Variants in NDEL1 observed in about 807,000 individuals in gnomAD.
NDEL1 encodes nudE neurodevelopment protein 1 like 1.
In NDEL1, 9 loss-of-function variants were observed where a neutral mutation model predicts 45.7. The ratio of observed to expected loss-of-function variants is 0.20; its 90% CI spans 0.12 to 0.34. The LOEUF is 0.34. NDEL1 is among the 10% of genes least tolerant of loss of function. NDEL1 has a pLI of 1.00. For missense variants in NDEL1, 306 were observed against 406.2 expected, an observed-to-expected ratio of 0.75 and a Z score of 2.12; for synonymous variants, 133 against 158.6, an observed-to-expected ratio of 0.84 and a Z score of 1.21.
intron 6 of NDEL1, among the ~76,000 whole-genome samples, chr17:8,453,574 C>T (rs935387111): frequency 3.9e-5 from 6 of 152,030 alleles, no homozygotes; most frequent in Non-Finnish European, 8.8e-5. Context: ...GAAATGTGCA[C>T]GACTGAAAAC....
intron 8 of NDEL1, chr17:8,463,328 A>G: frequency 1.2e-6 from 2 of 1,612,822 alleles, no homozygotes; most frequent in Non-Finnish European, 1.7e-6. Flanking sequence ...AGGCAAGAAA[A>G]AGTCATATTT....
At chr17:8,436,254 C>T (rs941419426) in intron 1 of NDEL1, 31 of 184,570 alleles carry the variant, frequency 1.7e-4, no homozygotes, top group Non-Finnish European at 1.9e-4. Flanking sequence ...TGTGGCCCCC[C>T]AGGGGCGCCT....
At chr17:8,414,022 AT>A (rs910218989) in intron 1 of NDEL1, among the ~76,000 whole-genome samples, 5 of 152,288 alleles carry the variant, frequency 3.3e-5, no homozygotes, top group Middle Eastern at 3.4e-3. Context: ...TTAAATGAAT[AT>A]TTTTATGTCA....
downstream of NDEL1, among the ~76,000 whole-genome samples, chr17:8,472,041 G>A (rs900988938): frequency 6.6e-6 from 1 of 152,168 alleles, no homozygotes; most frequent in African/African-American, 2.4e-5. Flanking sequence ...TTCCAACCTG[G>A]AGCCTGTTCT....
At chr17:8,468,424 A>G (rs1911741852), downstream of NDEL1, among the ~76,000 whole-genome samples, 1 of 152,254 alleles carries the variant, frequency 6.6e-6, no homozygotes, top group African/African-American at 2.4e-5. Flanking sequence ...GAAAGGAAGG[A>G]CCAGGATGTT....
At chr17:8,422,211 G>A (rs1908721628) in intron 1 of NDEL1, among the ~76,000 whole-genome samples, 1 of 152,050 alleles carries the variant, frequency 6.6e-6, no homozygotes, top group Non-Finnish European at 1.5e-5. Context: ...TTTTTATTGG[G>A]GTGTTAATAA....
chr17:8,439,688 T>G (rs1031376809), intron 1 of NDEL1, among the ~76,000 whole-genome samples: 1 of 152,230 alleles, frequency 6.6e-6, no homozygotes, highest in Non-Finnish European at 1.5e-5. Context: ...TTTTAAAGAA[T>G]CATTTGCATG....
chr17:8,415,972 C>T (rs557508265), intron 1 of NDEL1, among the ~76,000 whole-genome samples: 40 of 152,266 alleles, frequency 2.6e-4, no homozygotes, highest in African/African-American at 9.6e-4. Flanking sequence ...TGGTCTTGAA[C>T]ACCTGACCTC....
chr17:8,460,155 C>T lies in NDEL1; in HGVS notation c.939C>T (p.Asp313=). ...GATCAGGGCATACATCTTTCTTCGA[C>T]AAAGGGTAAGTCCTGAATGTTTTAA... ...FSRSGHTSFF[D]KGAVNGFDPA... Residue 313 remains aspartate (D), a synonymous_variant, in exon 8 of 9, where the codon GAC becomes GAT. Transcript: ENST00000334527. 1 of 1,612,222 alleles carries T rather than the reference C, an allele frequency of 6.2e-7. No homozygotes were observed. Among genetic ancestry groups the T allele is most frequent in the African/African-American group, 1.3e-5 (1 of 74,928 alleles).
intron 1 of NDEL1, among the ~76,000 whole-genome samples, chr17:8,427,595 G>A (rs879782829): frequency 2.6e-5 from 4 of 152,030 alleles, no homozygotes; most frequent in Non-Finnish European, 5.9e-5. Flanking sequence ...CCAGCTACTC[G>A]GGGGCGGGAG....
At chr17:8,440,954 G>A (rs765442681) in intron 1 of NDEL1, among the ~76,000 whole-genome samples, 1 of 152,136 alleles carries the variant, frequency 6.6e-6, no homozygotes, top group African/African-American at 2.4e-5. Flanking sequence ...AACTCTTTTC[G>A]TAGAAGAATT....
At position 8,467,202 on chromosome 17, in the gene NDEL1, G is replaced by A. The variant is rs748410759; in HGVS notation, c.*179G>A. ...CCTGCCCAGCCCCGGAACTCTGCGC[G>A]ATATCAATACTGGCTATTTTCTCTT... is the stretch of plus-strand genomic sequence containing the variant. On this transcript the variant is annotated 3_prime_UTR_variant, in exon 9 of 9. Coordinates refer to ENST00000334527, the MANE Select transcript of NDEL1 (RefSeq NM_030808.5). The surrounding 1 kb of genome is among the most constrained non-coding windows in gnomAD (Gnocchi z 6.3). 3 of 623,342 alleles carry A rather than the reference G, an allele frequency of 4.8e-6. No homozygotes were observed. The highest frequency in any genetic ancestry group is 8.5e-6 in the Non-Finnish European group (3 of 354,354). 38.6% of individuals were successfully genotyped at this position (623,342 alleles called of 1,614,324 possible).
chr17:8,447,145 T>A (rs756646092), intron 4 of NDEL1, among the ~76,000 whole-genome samples: 2 of 152,060 alleles, frequency 1.3e-5, no homozygotes, highest in African/African-American at 4.8e-5. Context: ...ATCCTATTGG[T>A]TTTGTTTTGT....
At chr17:8,473,817 C>T (rs1313860896) in intron 3 of NDEL1, among the ~76,000 whole-genome samples, 1 of 152,228 alleles carries the variant, frequency 6.6e-6, no homozygotes, top group Non-Finnish European at 1.5e-5. Context: ...CTGCCCTTGG[C>T]CTCATCACTG....
chr17:8,439,696 A>T (rs1316343947), intron 1 of NDEL1, among the ~76,000 whole-genome samples: 1 of 152,208 alleles, frequency 6.6e-6, no homozygotes, highest in East Asian at 1.9e-4. Context: ...AATCATTTGC[A>T]TGTTTTAAAT....
At chr17:8,474,156 CCA>C (rs1345043036) in intron 3 of NDEL1, 3 of 152,646 alleles carry the variant, frequency 2.0e-5, no homozygotes, top group African/African-American at 7.2e-5. Context: ...CACCCACCCT[CCA>C]GTCAGATCAC....
At chr17:8,415,001 G>T (rs994359742) in intron 1 of NDEL1, among the ~76,000 whole-genome samples, 1 of 152,058 alleles carries the variant, frequency 6.6e-6, no homozygotes, top group African/African-American at 2.4e-5. Flanking sequence ...CTCCCTCTTG[G>T]ATTGGTTTCT....
Position 8,467,241 on chromosome 17 carries a change from C to T in NDEL1, c.*218C>T, listed in dbSNP as rs907412864. The T allele has an allele frequency of 3.4e-6, 2 of 591,916 alleles. No homozygotes were observed. Among genetic ancestry groups the T allele is most frequent in the East Asian group, 2.8e-5 (1 of 35,164 alleles). 36.7% of individuals were successfully genotyped at this position (591,916 alleles called of 1,614,324 possible). ...CTATTTTCTCTTCTCGCCGTAGTGC[C>T]GTTGGTTTCACATGATTGCACTTTT... On this transcript the variant is annotated 3_prime_UTR_variant, in exon 9 of 9. Transcript: ENST00000334527. This position sits in a 1 kb window ranked among gnomAD's most constrained non-coding sequence, Gnocchi z 6.3.
downstream of NDEL1, among the ~76,000 whole-genome samples, chr17:8,471,620 T>C (rs1238146934): frequency 6.6e-6 from 1 of 152,198 alleles, no homozygotes; most frequent in Non-Finnish European, 1.5e-5. Flanking sequence ...TTAGTCTCAG[T>C]AGGGGTTGAA....
Sources: gnomAD v4.1 joint callset for allele counts (sites outside exome capture counted in the v4.1 genomes callset) on GRCh38, gnomAD v4.1.1 for gene constraint, Gnocchi (gnomAD v3.1) non-coding constraint, MANE v1.5 for transcripts, NCBI Gene and HGNC (gene_info 2026-07-23, HGNC 2026-07-21) for gene names.